The following SLC7A11 variants were observed in gnomAD, a reference collection of about 807,000 sequenced individuals.
SLC7A11 encodes cystine/glutamate transporter.
A neutral mutation model predicts 54.5 loss-of-function variants in SLC7A11; 35 were observed. The observed-to-expected ratio is 0.64, with a 90% confidence interval of 0.49 to 0.85. The LOEUF (loss-of-function observed/expected upper bound fraction) is 0.85. Ranked by LOEUF, SLC7A11 falls within the 40% of genes least tolerant of loss-of-function variation. SLC7A11 has a pLI of 0.00. For missense variants in SLC7A11, 583 were observed against 618.1 expected, an observed-to-expected ratio of 0.94 and a Z score of 0.60; for synonymous variants, 230 against 225.2, an observed-to-expected ratio of 1.02 and a Z score of -0.19.
chr4:138,215,783 A>C (rs1422855588), intron 5 of SLC7A11, among the ~76,000 whole-genome samples: 1 of 151,956 alleles, frequency 6.6e-6, no homozygotes, highest in African/African-American at 2.4e-5. Context: ...ACACTAAAAA[A>C]CAAACACCAC....
intron 4 of SLC7A11, 47 bp from the exon 5 acceptor site, chr4:138,219,412 C>G: frequency 9.3e-7 from 1 of 1,075,752 alleles, no homozygotes; most frequent in Non-Finnish European, 1.4e-6. Context: ...AGAATTGGTT[C>G]TTATTCACTC....
chr4:138,236,288 G>T lies in SLC7A11; in HGVS notation c.404+37C>A, dbSNP rs367586716. 1,788 of 1,565,458 alleles carry T rather than the reference G, an allele frequency of 1.1e-3. 28 individuals are homozygous for T. The South Asian group carries it at 0.019, about 17-fold the overall frequency. On this transcript the variant is annotated intron_variant, in intron 2 of 11. Transcript: ENST00000280612. ...CAAGGTGATTCATAAGAATGAATTG[G>T]TTTATTTTTTCTTAATTCTTTCTAC...
intron 6 of SLC7A11, among the ~76,000 whole-genome samples, chr4:138,205,275 A>G (rs1466469238): frequency 2.6e-5 from 4 of 152,066 alleles, no homozygotes; most frequent in African/African-American, 9.7e-5. Context: ...TATAGTTCAT[A>G]TAAGTAAAGA....
intron 9 of SLC7A11, among the ~76,000 whole-genome samples, chr4:138,181,737 C>T (rs1736747690): frequency 6.6e-6 from 1 of 152,088 alleles, no homozygotes; most frequent in Non-Finnish European, 1.5e-5. Flanking sequence ...GCTCACATTT[C>T]ACACTTTGCT....
chr4:138,193,675 T>C lies in SLC7A11; in HGVS notation c.792-8431A>G, dbSNP rs552098827. On this transcript the variant is annotated intron_variant, in intron 6 of 11. Coordinates refer to ENST00000280612, the MANE Select transcript of SLC7A11 (RefSeq NM_014331.4). ...TTAGCCAGGCATGGTGGCAGGCACC[T>C]GTAATCCCAGCTACTTGGGAAACTG... is the stretch of plus-strand genomic sequence containing the variant. Among the ~76,000 whole-genome samples, 30 of 152,254 alleles carry C rather than the reference T, an allele frequency of 2.0e-4. 1 individual carries two copies. The East Asian group carries it at 5.8e-3, about 29-fold the overall frequency.
At chr4:138,234,456 C>G (rs138547830) in intron 2 of SLC7A11, among the ~76,000 whole-genome samples, 2,850 of 152,078 alleles carry the variant, frequency 0.019, 44 homozygotes, top group Non-Finnish European at 0.029. Flanking sequence ...GCCAACTCAG[C>G]AATATGAGTA....
At position 138,168,884 on chromosome 4, in the gene SLC7A11, C is replaced by G. The variant is rs1351184077; in HGVS notation, c.*3072G>C. 2 of 152,084 alleles carry G rather than the reference C, an allele frequency of 1.3e-5. No individual in the cohort carries two copies. The highest frequency in any genetic ancestry group is 6.6e-5 in the Admixed American group (1 of 15,260). 9.4% of individuals were successfully genotyped at this position (152,084 alleles called of 1,614,324 possible). On this transcript the variant is annotated 3_prime_UTR_variant, in exon 12 of 12. Transcript: ENST00000280612. ...TGGATCAAAGGAATATAATCTAATA[C>G]TTTTTAAATGGGGTCAAAACAGTAT...
At chr4:138,178,073 C>G (rs1019293186) in intron 11 of SLC7A11, 1 of 152,100 alleles carries the variant, frequency 6.6e-6, no homozygotes, top group South Asian at 2.1e-4. Flanking sequence ...GAACAAGTGA[C>G]CTGAATTCTC....
chr4:138,229,566 C>T (rs1349322778), intron 3 of SLC7A11, among the ~76,000 whole-genome samples: 2 of 152,208 alleles, frequency 1.3e-5, no homozygotes, highest in East Asian at 1.9e-4. Context: ...TCCTCAGGCT[C>T]CTTGTTAACT....
Position 138,242,087 on chromosome 4 carries a change from G to GA in SLC7A11, c.-19dup. The GA allele has an allele frequency of 1.9e-6, 3 of 1,611,190 alleles. No homozygotes were observed. The highest frequency in any genetic ancestry group is 1.3e-5 in the African/African-American group (1 of 74,882). On this transcript the variant is annotated 5_prime_UTR_variant, in exon 1 of 12. Transcript: ENST00000280612. The stretch of plus-strand genomic sequence containing the variant: ...CTGACCATAGTAGGGACACACGGGG[G>GA]AAAAATAAAACAGAGGGAAAGAAAA...
At chr4:138,225,138 C>CTATATATATATATATATATATATATATA (rs36216785) in intron 3 of SLC7A11, among the ~76,000 whole-genome samples, 4 of 118,326 alleles carry the variant, frequency 3.4e-5, no homozygotes, top group Admixed American at 9.1e-5. Context: ...AATAATTTCA[C>CTATATATATATATATATATATATATATA]TATATATATA....
At chr4:138,177,808 T>G (rs996167823) in intron 11 of SLC7A11, 2 of 152,120 alleles carry the variant, frequency 1.3e-5, no homozygotes, top group Non-Finnish European at 1.5e-5. Flanking sequence ...CTCCCCCAGT[T>G]TAACTGGTCA....
Position 138,164,647 on chromosome 4 carries a change from T to C in SLC7A11, c.*7309A>G, listed in dbSNP as rs1198101413. ...AGAATTTTATCAATGTAAGACATTG[T>C]ATTAAATTTGTATAAAATACACACA... is the stretch of plus-strand genomic sequence containing the variant. On this transcript the variant is annotated 3_prime_UTR_variant, in exon 12 of 12. Coordinates refer to ENST00000280612, the MANE Select transcript of SLC7A11 (RefSeq NM_014331.4). 1.3e-5 allele frequency: 2 copies of C among 152,148 alleles called. No individual in the cohort carries two copies. The highest frequency in any genetic ancestry group is 2.9e-5 in the Non-Finnish European group (2 of 67,998). The allele number at this position is 152,148 out of a possible 1,614,324, so 9.4% of individuals were successfully genotyped here.
At chr4:138,182,957 G>C (rs544450234) in intron 8 of SLC7A11, among the ~76,000 whole-genome samples, 75 of 152,118 alleles carry the variant, frequency 4.9e-4, no homozygotes, top group Admixed American at 1.4e-3. Context: ...TTGTTAGACT[G>C]TGGAAATACT....
intron 4 of SLC7A11, among the ~76,000 whole-genome samples, chr4:138,220,201 G>C (rs1262607690): frequency 6.6e-6 from 1 of 151,846 alleles, no homozygotes; most frequent in Non-Finnish European, 1.5e-5. Context: ...GCCTCCCAAA[G>C]TGTTAGGATT....
intron 6 of SLC7A11, among the ~76,000 whole-genome samples, chr4:138,185,517 T>C (rs979878430): frequency 6.6e-6 from 1 of 152,134 alleles, no homozygotes; most frequent in African/African-American, 2.4e-5. Flanking sequence ...CCGTAAATGC[T>C]ACAGCAGTGT....
chr4:138,225,042 C>T (rs1737909922), intron 3 of SLC7A11, among the ~76,000 whole-genome samples: 2 of 149,140 alleles, frequency 1.3e-5, no homozygotes, highest in African/African-American at 4.9e-5. Context: ...TTGAAATATA[C>T]TTAAATGTTC....
At chr4:138,191,633 A>G (rs1050687939) in intron 6 of SLC7A11, among the ~76,000 whole-genome samples, 3 of 152,184 alleles carry the variant, frequency 2.0e-5, no homozygotes, top group Non-Finnish European at 4.4e-5. Flanking sequence ...ATAAGCAATC[A>G]GAAACATAAA....
At chr4:138,226,571 G>A (rs79652067) in intron 3 of SLC7A11, among the ~76,000 whole-genome samples, 9,539 of 122,830 alleles carry the variant, frequency 0.078, 651 homozygotes, top group East Asian at 0.39. Context: ...GGCAGCCAGC[G>A]AGAGGTACAG....
Sources: allele counts gnomAD v4.1 joint callset (sites outside exome capture counted in the v4.1 genomes callset), GRCh38; gene constraint gnomAD v4.1.1; transcripts MANE v1.5; gene names NCBI Gene and HGNC (gene_info 2026-07-23, HGNC 2026-07-21).